The following KHDRBS2 variants were observed in gnomAD, a reference collection of about 807,000 sequenced individuals.
KHDRBS2 encodes KH RNA binding domain containing, signal transduction associated 2.
In KHDRBS2, 26 loss-of-function variants were observed where a neutral mutation model predicts 44.3. The ratio of observed to expected loss-of-function variants is 0.59; its 90% CI spans 0.43 to 0.81. KHDRBS2 has a LOEUF of 0.81. KHDRBS2 is among the 40% of genes least tolerant of loss of function. KHDRBS2 has a pLI of 0.00. For missense variants in KHDRBS2, 476 were observed against 433.1 expected, an observed-to-expected ratio of 1.10 and a Z score of -0.88; for synonymous variants, 194 against 151.1, an observed-to-expected ratio of 1.28 and a Z score of -2.08.
chr6:62,152,024 TA>T (rs1227494781), intron 2 of KHDRBS2, among the ~76,000 whole-genome samples: 1 of 152,072 alleles, frequency 6.6e-6, no homozygotes, highest in African/African-American at 2.4e-5. Flanking sequence ...TATACGGAAA[TA>T]ATAGTGCTTA....
chr6:62,024,804 G>A (rs1782996530), intron 3 of KHDRBS2, among the ~76,000 whole-genome samples: 1 of 151,334 alleles, frequency 6.6e-6, no homozygotes, highest in Admixed American at 6.6e-5. Flanking sequence ...TGAAAATGCT[G>A]TCTCTATTAT....
At chr6:61,708,293 G>C (rs974886612) in intron 7 of KHDRBS2, among the ~76,000 whole-genome samples, 1 of 151,428 alleles carries the variant, frequency 6.6e-6, no homozygotes, top group Non-Finnish European at 1.5e-5. Flanking sequence ...TATATTCAAA[G>C]AAGCAGAAAT....
chr6:61,663,071 T>TA, the KHDRBS2 span, among the ~76,000 whole-genome samples: 1 of 151,552 alleles, frequency 6.6e-6, no homozygotes, highest in African/African-American at 2.4e-5. Context: ...TATGCAGCCA[T>TA]AAAAAATGAT....
intron 6 of KHDRBS2, among the ~76,000 whole-genome samples, chr6:61,779,918 C>T (rs1159628549): frequency 6.7e-6 from 1 of 149,506 alleles, no homozygotes; most frequent in Non-Finnish European, 1.5e-5. Flanking sequence ...TGGATGGATC[C>T]CAATTTCAAA....
At chr6:62,078,128 C>A (rs1158453774) in intron 2 of KHDRBS2, among the ~76,000 whole-genome samples, 1 of 152,002 alleles carries the variant, frequency 6.6e-6, no homozygotes, top group African/African-American at 2.4e-5. Context: ...CTAGTCTCCA[C>A]AGTTTTGCGA....
chr6:62,185,211 A>C (rs774099034), intron 1 of KHDRBS2, among the ~76,000 whole-genome samples: 12 of 151,910 alleles, frequency 7.9e-5, no homozygotes, highest in Non-Finnish European at 1.6e-4. Context: ...CAGGAAGTTT[A>C]TTTTACCCAT....
intron 4 of KHDRBS2, among the ~76,000 whole-genome samples, chr6:61,926,908 CTCTTA>C (rs1349472875): frequency 6.6e-6 from 1 of 150,848 alleles, no homozygotes; most frequent in Non-Finnish European, 1.5e-5. Context: ...TCAAGCTGTT[CTCTTA>C]TATGTGTGCA....
At chr6:61,911,450 GA>G (rs1454974872) in intron 4 of KHDRBS2, among the ~76,000 whole-genome samples, 5 of 152,236 alleles carry the variant, frequency 3.3e-5, no homozygotes, top group African/African-American at 1.2e-4. Flanking sequence ...AACAATTAAA[GA>G]AACATTTCAA....
rs371595813 is a variant in KHDRBS2 at position 61,945,150 on chromosome 6, T to TATATATATATACACAC, written c.483+32915_483+32916insGTGTGTATATATATAT. Among the ~76,000 whole-genome samples the TATATATATATACACAC allele has an allele frequency of 2.1e-3, 181 of 86,976 alleles. 14 individuals carry two copies. The highest frequency in any genetic ancestry group is 3.0e-3 in the Non-Finnish European group (130 of 43,530). The allele number at this position is 86,976 out of a possible 152,430, so 57.1% of individuals were successfully genotyped here. A position where few individuals can be genotyped will look rare whatever the true frequency, so the allele number is the denominator to read the frequency against. ...ATATATATATATATATATATATATA[T>TATATATATATACACAC]ACACACAGACTTGTCTTGATAAAGT... On this transcript the variant is annotated intron_variant, in intron 4 of 8. Transcript: ENST00000281156.
chr6:61,613,867 AT>A, the KHDRBS2 span, among the ~76,000 whole-genome samples: 2 of 152,266 alleles, frequency 1.3e-5, no homozygotes, highest in East Asian at 3.9e-4. Context: ...ACATTGGGAC[AT>A]TTTTACTCAA....
At chr6:61,854,585 C>T (rs1342652984) in intron 6 of KHDRBS2, among the ~76,000 whole-genome samples, 1 of 152,132 alleles carries the variant, frequency 6.6e-6, no homozygotes, top group Non-Finnish European at 1.5e-5. Context: ...TGTAACTCAT[C>T]TATATCTCAC....
chr6:62,018,593 C>T (rs1189921454), intron 3 of KHDRBS2, among the ~76,000 whole-genome samples: 1 of 151,972 alleles, frequency 6.6e-6, no homozygotes, highest in Non-Finnish European at 1.5e-5. Flanking sequence ...GATCCGCGCG[C>T]CTTGGCCTCC....
chr6:62,112,933 C>G (rs1304663738), intron 2 of KHDRBS2, among the ~76,000 whole-genome samples: 1 of 152,116 alleles, frequency 6.6e-6, no homozygotes, highest in African/African-American at 2.4e-5. Flanking sequence ...TGTTGGCTCT[C>G]TCTTCATCAA....
At chr6:61,714,597 C>T (rs1177081064) in intron 7 of KHDRBS2, among the ~76,000 whole-genome samples, 9 of 151,852 alleles carry the variant, frequency 5.9e-5, no homozygotes, top group Admixed American at 5.9e-4. Context: ...TACCTGCACT[C>T]ATATGTTTAT....
intron 2 of KHDRBS2, among the ~76,000 whole-genome samples, chr6:62,119,322 T>C (rs1259956840): frequency 2.0e-5 from 3 of 152,186 alleles, no homozygotes; most frequent in East Asian, 3.8e-4. Flanking sequence ...AACCAAGGAA[T>C]GTAATGAAGT....
chr6:61,617,842 G>A, the KHDRBS2 span, among the ~76,000 whole-genome samples: 461 of 152,222 alleles, frequency 3.0e-3, 4 homozygotes, highest in African/African-American at 0.011. Flanking sequence ...GAAATAATTA[G>A]AGAATTTCAT....
the KHDRBS2 span, among the ~76,000 whole-genome samples, chr6:61,634,242 G>A: frequency 6.7e-6 from 1 of 150,250 alleles, no homozygotes; most frequent in Non-Finnish European, 1.5e-5. Flanking sequence ...AGAATGACTT[G>A]TGTCCACAAT....
intron 6 of KHDRBS2, among the ~76,000 whole-genome samples, chr6:61,835,688 G>A (rs1547073): frequency 0.17 from 25,292 of 150,412 alleles, 2,246 homozygotes; most frequent in Non-Finnish European, 0.2. Flanking sequence ...ATACTGCATC[G>A]TGCAGCTAAT....
chr6:61,894,943 T>TTC (rs548634361), intron 5 of KHDRBS2, 110 bp from the exon 6 acceptor site: 10,379 of 559,052 alleles, frequency 0.019, 49 homozygotes, highest in Non-Finnish European at 0.024. Flanking sequence ...AAATACAAAT[T>TTC]TCTCTCTCTC....
Sources: gnomAD v4.1 joint callset for allele counts (sites outside exome capture counted in the v4.1 genomes callset) on GRCh38, gnomAD v4.1.1 for gene constraint, MANE v1.5 for transcripts, NCBI Gene and HGNC (gene_info 2026-07-23, HGNC 2026-07-21) for gene names.